The following CUL2 variants were observed in gnomAD, a reference collection of about 807,000 sequenced individuals.
CUL2 encodes cullin 2.
Under a neutral mutation model 110.2 loss-of-function variants are expected in CUL2, and 22 were observed. The observed-to-expected ratio is 0.20, with a 90% CI of 0.14 to 0.28. The LOEUF is 0.28. Among genes scored for constraint, CUL2 ranks in the 10% least tolerant of loss-of-function variants. CUL2 has a pLI of 1.00. For synonymous variants in CUL2, 279 were observed against 293.2 expected (o/e 0.95, Z 0.49); for missense variants, 631 against 905.5 (o/e 0.70, Z 3.89).
chr10:35,077,703 G>A (rs1166978711), intron 1 of CUL2, among the ~76,000 whole-genome samples: 1 of 151,414 alleles, frequency 6.6e-6, no homozygotes, highest in Non-Finnish European at 1.5e-5. Context: ...TATAATCCCA[G>A]CTACTCAGGA....
chr10:35,114,503 C>T (rs2135135665), intron 1 of CUL2, among the ~76,000 whole-genome samples: 1 of 152,086 alleles, frequency 6.6e-6, no homozygotes, highest in African/African-American at 2.4e-5. Flanking sequence ...CTGCCTCAGC[C>T]TCCCGAGTAG....
At chr10:35,115,457 G>T (rs1406885992) in intron 1 of CUL2, among the ~76,000 whole-genome samples, 1 of 152,178 alleles carries the variant, frequency 6.6e-6, no homozygotes, top group African/African-American at 2.4e-5. Context: ...CTACTCGGGA[G>T]GCTGAGGCAG....
chr10:35,016,744 T>C (rs1390593311), intron 17 of CUL2, among the ~76,000 whole-genome samples: 3 of 151,964 alleles, frequency 2.0e-5, no homozygotes, highest in Admixed American at 6.6e-5. Context: ...CTGGTCAACA[T>C]AGTAAAACCC....
chr10:35,054,560 C>T, intron 4 of CUL2, 21 bp from the exon 5 acceptor site: 1 of 1,329,644 alleles, frequency 7.5e-7, no homozygotes, highest in Non-Finnish European at 1.1e-6. Context: ...AATGTAATAT[C>T]AATGGATATT....
At chr10:35,089,550 G>T (rs1320216788) in intron 1 of CUL2, among the ~76,000 whole-genome samples, 1 of 152,132 alleles carries the variant, frequency 6.6e-6, no homozygotes, top group South Asian at 2.1e-4. Context: ...TAATCCATGG[G>T]GCAAAGATGT....
rs532107076 is a variant in CUL2 at position 35,115,327 on chromosome 10, G to A, written c.-51+11278C>T. Among the ~76,000 whole-genome samples the A allele has an allele frequency of 2.4e-4, 37 of 151,170 alleles. No homozygotes were observed. In the East Asian group the frequency reaches 3.0e-3, roughly 12 times the overall value. On this transcript the variant is annotated intron_variant, in intron 1 of 5. Coordinates refer to the CUL2 transcript ENST00000685421. The stretch of plus-strand genomic sequence containing the variant: ...CTGTAATCCCAGCACTTTGGGAGGC[G>A]GAGGCGGGCGGATAGCGAGGTTAGG...
At chr10:35,119,627 C>G (rs1390765702) in intron 1 of CUL2, among the ~76,000 whole-genome samples, 1 of 151,418 alleles carries the variant, frequency 6.6e-6, no homozygotes, top group Admixed American at 6.6e-5. Context: ...GGGTCTCACT[C>G]TGTTATCCAG....
At chr10:35,122,553 C>T (rs762391933) in intron 1 of CUL2, among the ~76,000 whole-genome samples, 1 of 152,142 alleles carries the variant, frequency 6.6e-6, no homozygotes, top group Admixed American at 6.5e-5. Flanking sequence ...GTGCCAGGCA[C>T]AATGTTCTAT....
chr10:35,093,334 C>T (rs1003632043), upstream of CUL2, among the ~76,000 whole-genome samples: 1 of 151,982 alleles, frequency 6.6e-6, no homozygotes, highest in East Asian at 1.9e-4. Flanking sequence ...CCAAGAAGAA[C>T]CCATCTGGCC....
intron 1 of CUL2, among the ~76,000 whole-genome samples, chr10:35,071,810 T>C (rs1408980723): frequency 2.0e-5 from 3 of 152,222 alleles, no homozygotes; most frequent in Admixed American, 2.0e-4. Flanking sequence ...CATCTTTTCA[T>C]GACTATCCAG....
At chr10:35,012,095 C>T (rs1442239885) in intron 19 of CUL2, 131 bp from the exon 20 acceptor site, 5 of 589,896 alleles carry the variant, frequency 8.5e-6, no homozygotes, top group Middle Eastern at 3.9e-4. Context: ...ACTCTGTCGT[C>T]CTGGCTGGAG....
intron 8 of CUL2, 47 bp downstream of exon 8, chr10:35,044,519 G>T: frequency 8.4e-7 from 1 of 1,190,786 alleles, no homozygotes; most frequent in South Asian, 1.5e-5. Flanking sequence ...ATAAAACCAG[G>T]CCAGATACAA....
chr10:35,122,635 ATTTT>A (rs1175338150), intron 1 of CUL2, among the ~76,000 whole-genome samples: 7 of 151,970 alleles, frequency 4.6e-5, no homozygotes, highest in Non-Finnish European at 1.0e-4. Context: ...ATTTTATTTT[ATTTT>A]ATTTATTTAT....
chr10:35,096,571 C>T (rs68039650), intron 2 of CUL2, among the ~76,000 whole-genome samples: 5 of 151,950 alleles, frequency 3.3e-5, no homozygotes. Flanking sequence ...TGTGATTATG[C>T]CACTGCACTA....
chr10:35,054,361 A>T (rs1462688456), intron 5 of CUL2, 73 bp downstream of exon 5: 1 of 796,948 alleles, frequency 1.3e-6, no homozygotes, highest in East Asian at 2.8e-5. Context: ...TCCTTAAAAA[A>T]TGATGTGCAA....
intron 2 of CUL2, among the ~76,000 whole-genome samples, chr10:35,100,242 AC>A (rs1324329509): frequency 3.3e-5 from 5 of 152,198 alleles, no homozygotes; most frequent in African/African-American, 1.2e-4. Context: ...CAAAGAAAAA[AC>A]ATTCACAATA....
At chr10:35,059,326 T>C (rs2086324266) in intron 4 of CUL2, among the ~76,000 whole-genome samples, 2 of 152,210 alleles carry the variant, frequency 1.3e-5, no homozygotes, top group African/African-American at 2.4e-5. Context: ...ATTGTTGTCT[T>C]ATTTTAAGAC....
chr10:35,070,624 T>C (rs942711891), intron 2 of CUL2, among the ~76,000 whole-genome samples: 1 of 152,146 alleles, frequency 6.6e-6, no homozygotes, highest in East Asian at 1.9e-4. Context: ...TTCACACATG[T>C]AGGCAATCTA....
intron 9 of CUL2, among the ~76,000 whole-genome samples, chr10:35,037,279 C>T (rs556041927): frequency 1.3e-5 from 2 of 152,318 alleles, no homozygotes; most frequent in East Asian, 3.9e-4. Flanking sequence ...GTTGAAAAGA[C>T]CATCTTTTAC....
Sources: allele counts gnomAD v4.1 joint callset (sites outside exome capture counted in the v4.1 genomes callset), GRCh38; gene constraint gnomAD v4.1.1; transcripts MANE v1.5; gene names NCBI Gene and HGNC (gene_info 2026-07-23, HGNC 2026-07-21).